The following PREX1 variants were observed in gnomAD, a reference collection of about 807,000 sequenced individuals.
The protein encoded by PREX1 is phosphatidylinositol-3,4,5-trisphosphate dependent Rac exchange factor 1.
PREX1 carries 41 observed loss-of-function variants against 198.3 expected under a neutral mutation model. The observed-to-expected ratio is 0.21, with a 90% confidence interval of 0.16 to 0.27. The LOEUF (loss-of-function observed/expected upper bound fraction) is 0.27, where lower values mean the gene tolerates loss of function less well. PREX1 is among the 10% of genes least tolerant of loss of function. PREX1 has a pLI of 1.00. For synonymous variants in PREX1, 843 were observed against 887.2 expected, an observed-to-expected ratio of 0.95 and a Z score of 0.89; for missense variants, 1,620 against 2,200.7, an observed-to-expected ratio of 0.74 and a Z score of 5.28.
chr20:48,633,840 G>A (rs772376247), intron 33 of PREX1, among the ~76,000 whole-genome samples: 4 of 152,188 alleles, frequency 2.6e-5, no homozygotes, highest in Non-Finnish European at 4.4e-5. Flanking sequence ...GTGCAAGCAG[G>A]GCTGAGACGC....
chr20:48,632,420 G>A, intron 34 of PREX1, 29 bp from the exon 35 acceptor site: 1 of 1,613,244 alleles, frequency 6.2e-7, no homozygotes, highest in Non-Finnish European at 8.5e-7. Flanking sequence ...GGGGCGGGCA[G>A]GCGGTTGGGA....
intron 14 of PREX1, among the ~76,000 whole-genome samples, chr20:48,668,488 A>T (rs2089654418): frequency 1.3e-5 from 2 of 152,228 alleles, no homozygotes; most frequent in Admixed American, 1.3e-4. Context: ...AGAAAGCCAC[A>T]GGCACCACCT....
At chr20:48,681,516 A>G (rs1335227773) in intron 10 of PREX1, among the ~76,000 whole-genome samples, 181 bp from the exon 11 acceptor site, 1 of 152,170 alleles carries the variant, frequency 6.6e-6, no homozygotes, top group African/African-American at 2.4e-5. Flanking sequence ...CTTATTACCA[A>G]TAGCAGAGAG....
Position 48,691,593 on chromosome 20 carries a change from G to A in PREX1, c.1037-497C>T, listed in dbSNP as rs1326775909. ...GAGGAGGGCTCCACGGGCTTCATGA[G>A]ACTGCCAAAGGGGACTGTGGCTCAA... On this transcript the variant is annotated intron_variant, in intron 8 of 39. Coordinates refer to ENST00000371941, the MANE Select transcript of PREX1 (RefSeq NM_020820.4). The surrounding 1 kb of genome is among the most constrained non-coding windows in gnomAD (Gnocchi z 5.0). 6.6e-6 allele frequency among the ~76,000 whole-genome samples: 1 copy of A among 152,200 alleles called. No homozygotes were observed. Among genetic ancestry groups the A allele is most frequent in the Admixed American group, 6.5e-5 (1 of 15,282 alleles).
intron 1 of PREX1, among the ~76,000 whole-genome samples, chr20:48,820,284 C>G (rs1341858311): frequency 6.6e-6 from 1 of 152,208 alleles, no homozygotes; most frequent in African/African-American, 2.4e-5. Flanking sequence ...GGTGAGCCCG[C>G]ACACAGTCAC....
At position 48,737,215 on chromosome 20, in the gene PREX1, C is replaced by CAAAAAA. The variant is rs140010281; in HGVS notation, c.415-2571_415-2566dup. ...GCAGTAGGTGGGAAGGTTTTGACAG[C>CAAAAAA]AAAAAAAAAAAAAAAAAAAAAAAAA... On this transcript the variant is annotated intron_variant, in intron 3 of 39. Coordinates refer to ENST00000371941, the MANE Select transcript of PREX1 (RefSeq NM_020820.4). 9.6e-4 allele frequency among the ~76,000 whole-genome samples: 34 copies of CAAAAAA among 35,302 alleles called. 6 individuals are homozygous for CAAAAAA. Among genetic ancestry groups the CAAAAAA allele is most frequent in the East Asian group, 3.8e-3 (4 of 1,058 alleles). The allele number at this position is 35,302 out of a possible 152,430, so 23.2% of individuals were successfully genotyped here. A position where few individuals can be genotyped will look rare whatever the true frequency, so the allele number is the denominator to read the frequency against.
chr20:48,843,318 G>C, the PREX1 span, among the ~76,000 whole-genome samples: 3,947 of 152,284 alleles, frequency 0.026, 77 homozygotes, highest in African/African-American at 0.05. Context: ...GGCTGTCTCT[G>C]ATTGGTCAGG....
chr20:48,812,394 A>G (rs988835902), intron 1 of PREX1, among the ~76,000 whole-genome samples: 16 of 141,586 alleles, frequency 1.1e-4, no homozygotes, highest in African/African-American at 2.8e-4. Flanking sequence ...GGTAAATAAT[A>G]TAAGAGGAAT....
At chr20:48,873,020 C>T in the PREX1 span, among the ~76,000 whole-genome samples, 1 of 151,904 alleles carries the variant, frequency 6.6e-6, no homozygotes, top group Non-Finnish European at 1.5e-5. Flanking sequence ...ACATAACAAA[C>T]TCTCATTTAT....
At chr20:48,785,760 G>T (rs1568863476) in intron 1 of PREX1, among the ~76,000 whole-genome samples, 1 of 152,212 alleles carries the variant, frequency 6.6e-6, no homozygotes, top group Non-Finnish European at 1.5e-5. Flanking sequence ...TGTGCACTCA[G>T]AGGGTTTTGA....
chr20:48,740,631 G>A (rs558729172), intron 3 of PREX1, among the ~76,000 whole-genome samples: 2 of 152,314 alleles, frequency 1.3e-5, no homozygotes, highest in South Asian at 2.1e-4. Flanking sequence ...ACCTACAGAG[G>A]TGTGGCCTTT....
intron 1 of PREX1, among the ~76,000 whole-genome samples, chr20:48,748,780 G>C (rs898304518): frequency 2.0e-5 from 3 of 152,230 alleles, no homozygotes; most frequent in African/African-American, 4.8e-5. Context: ...GGGGTCACGT[G>C]GGGAGGCCGC....
intron 16 of PREX1, among the ~76,000 whole-genome samples, chr20:48,659,262 A>AAGGAAGGAAGGAAGGAAGGGCGGG (rs143111463): frequency 1.5e-5 from 2 of 134,536 alleles, no homozygotes; most frequent in South Asian, 2.7e-4. Context: ...GGAAGGAAGG[A>AAGGAAGGAAGGAAGGAAGGGCGGG]CGGGCACGAG....
chr20:48,643,878 T>C (rs35655561), intron 27 of PREX1, among the ~76,000 whole-genome samples: 3,291 of 152,316 alleles, frequency 0.022, 55 homozygotes, highest in Non-Finnish European at 0.038. Flanking sequence ...GGTTTCACCA[T>C]GTTGGCCAGG....
In PREX1 at chr20:48,691,465, A is replaced by C. The variant is rs1013539249; in HGVS notation, c.1037-369T>G. 7.9e-5 allele frequency among the ~76,000 whole-genome samples: 12 copies of C among 152,164 alleles called. No individual in the cohort carries two copies. The highest frequency in any genetic ancestry group is 1.8e-4 in the Non-Finnish European group (12 of 68,036). ...TTAAAACCTTAGTGCCAGCCTGACAAGCCAAGTCAAACGTGGGACCCTTAC... is the reference window on the plus strand; with the variant it reads ...TTAAAACCTTAGTGCCAGCCTGACACGCCAAGTCAAACGTGGGACCCTTAC... On this transcript the variant is annotated intron_variant, in intron 8 of 39. Transcript: ENST00000371941. This position sits in a 1 kb window ranked among gnomAD's most constrained non-coding sequence, Gnocchi z 5.0.
At chr20:48,645,650 C>A (rs2089445159) in intron 26 of PREX1, among the ~76,000 whole-genome samples, 1 of 152,212 alleles carries the variant, frequency 6.6e-6, no homozygotes. Flanking sequence ...AAAATGTCAG[C>A]TTTGCAACTG....
At chr20:48,844,255 G>A in the PREX1 span, among the ~76,000 whole-genome samples, 16 of 152,176 alleles carry the variant, frequency 1.1e-4, no homozygotes, top group Middle Eastern at 6.8e-3. Context: ...AAATATTTGG[G>A]ATACCCTGTA....
At chr20:48,698,510 C>G (rs530859247) in intron 7 of PREX1, among the ~76,000 whole-genome samples, 27 of 152,072 alleles carry the variant, frequency 1.8e-4, no homozygotes, top group Admixed American at 1.2e-3. Context: ...CCCAGAGAGA[C>G]CAGAAAGGAG....
intron 15 of PREX1, among the ~76,000 whole-genome samples, chr20:48,661,971 A>G (rs1222367113): frequency 1.3e-5 from 2 of 152,198 alleles, no homozygotes; most frequent in African/African-American, 4.8e-5. Flanking sequence ...TGCCTGAAAC[A>G]AGGGAAACCA....
Sources: allele counts gnomAD v4.1 joint callset (sites outside exome capture counted in the v4.1 genomes callset), GRCh38; gene constraint gnomAD v4.1.1; non-coding constraint Gnocchi (gnomAD v3.1); transcripts MANE v1.5; gene names NCBI Gene and HGNC (gene_info 2026-07-23, HGNC 2026-07-21).